CNOT2: variants seen among roughly 807,000 people sequenced by gnomAD.
CNOT2 encodes CCR4-NOT transcription complex subunit 2.
In CNOT2, 7 loss-of-function variants were observed where a neutral mutation model predicts 72.1. The observed-to-expected ratio is 0.10, with a 90% confidence interval of 0.06 to 0.18. The LOEUF (loss-of-function observed/expected upper bound fraction) is 0.18. Ranked by LOEUF, CNOT2 falls within the 10% of genes least tolerant of loss-of-function variation. The pLI, the probability that CNOT2 is intolerant of heterozygous loss-of-function variation, is 1.00. For synonymous variants in CNOT2, 196 were observed against 225.6 expected (o/e 0.87, Z 1.17); for missense variants, 345 against 660.3 (o/e 0.52, Z 5.23).
chr12:70,326,356 T>A (rs1012049086), intron 4 of CNOT2, among the ~76,000 whole-genome samples: 11 of 151,790 alleles, frequency 7.2e-5, no homozygotes, highest in Non-Finnish European at 1.5e-5. Context: ...GTCCTTCCAG[T>A]CACCTGCTCA....
intron 3 of CNOT2, among the ~76,000 whole-genome samples, chr12:70,312,722 CTT>C (rs781701041): frequency 6.6e-6 from 1 of 151,966 alleles, no homozygotes; most frequent in Non-Finnish European, 1.5e-5. Context: ...TGGATCCTGA[CTT>C]TGCCTGTTAG....
At chr12:70,273,538 A>G (rs1868330999) in intron 1 of CNOT2, among the ~76,000 whole-genome samples, 1 of 152,166 alleles carries the variant, frequency 6.6e-6, no homozygotes, top group South Asian at 2.1e-4. Flanking sequence ...AAACAGATGT[A>G]CTTTTCGGGC....
At chr12:70,279,859 T>G (rs1284354475) in intron 2 of CNOT2, among the ~76,000 whole-genome samples, 2 of 148,782 alleles carry the variant, frequency 1.3e-5, no homozygotes, top group Non-Finnish European at 2.9e-5. Flanking sequence ...TTCTTGCTCT[T>G]TCTACACTAA....
intron 14 of CNOT2, chr12:70,345,266 ATAGTT>A (rs999544252): frequency 2.6e-5 from 4 of 152,316 alleles, no homozygotes; most frequent in African/African-American, 9.6e-5. Flanking sequence ...TTTGGATCAA[ATAGTT>A]TAAAGTATAT....
chr12:70,342,358 C>G (rs370877055), intron 13 of CNOT2, 51 bp downstream of exon 13: 38 of 1,600,294 alleles, frequency 2.4e-5, no homozygotes, highest in Non-Finnish European at 3.1e-5. Context: ...ATCTATTTTT[C>G]ACATGTTTTT....
intron 2 of CNOT2, among the ~76,000 whole-genome samples, chr12:70,279,830 A>T (rs1468623227): frequency 1.3e-5 from 2 of 152,212 alleles, no homozygotes; most frequent in Non-Finnish European, 2.9e-5. Flanking sequence ...TATGTTTTAT[A>T]CATGAAGAGA....
chr12:70,328,405 A>G (rs1181966074), intron 4 of CNOT2, among the ~76,000 whole-genome samples: 3 of 152,016 alleles, frequency 2.0e-5, no homozygotes, highest in Non-Finnish European at 4.4e-5. Flanking sequence ...CCAGTTCAGA[A>G]TAAGTTTGGT....
At chr12:70,301,218 C>T (rs1873899961) in intron 2 of CNOT2, among the ~76,000 whole-genome samples, 1 of 152,168 alleles carries the variant, frequency 6.6e-6, no homozygotes, top group Non-Finnish European at 1.5e-5. Context: ...TTATTTCCTT[C>T]TCCTGCCTGA....
intron 2 of CNOT2, among the ~76,000 whole-genome samples, chr12:70,288,996 TTTC>T (rs1312155134): frequency 6.6e-6 from 1 of 152,182 alleles, no homozygotes; most frequent in East Asian, 1.9e-4. Context: ...TTCTTATCCC[TTTC>T]TTCTCTCCTT....
At chr12:70,267,707 T>G (rs1483000534) in intron 1 of CNOT2, among the ~76,000 whole-genome samples, 5 of 152,248 alleles carry the variant, frequency 3.3e-5, no homozygotes, top group Non-Finnish European at 7.3e-5. Flanking sequence ...CTTCAGATAC[T>G]CGTCACACAG....
intron 1 of CNOT2, among the ~76,000 whole-genome samples, chr12:70,245,760 T>C (rs570057122): frequency 6.6e-6 from 1 of 152,270 alleles, no homozygotes; most frequent in Admixed American, 6.5e-5. Flanking sequence ...TTCAGAATGA[T>C]ACAACTTCCC....
At chr12:70,288,136 CTT>C (rs68143994) in intron 2 of CNOT2, among the ~76,000 whole-genome samples, 91 of 86,694 alleles carry the variant, frequency 1.0e-3, no homozygotes, top group African/African-American at 3.0e-3. Flanking sequence ...TGGTGTAGCT[CTT>C]TTTTTTTTTT....
chr12:70,252,087 C>T (rs7969013), intron 1 of CNOT2, among the ~76,000 whole-genome samples: 42,971 of 152,076 alleles, frequency 0.28, 6,357 homozygotes, highest in Admixed American at 0.44. Flanking sequence ...CTAGCATTAT[C>T]TGTTAATTGA....
intron 1 of CNOT2, among the ~76,000 whole-genome samples, chr12:70,276,688 T>C (rs562243943): frequency 3.4e-4 from 51 of 152,158 alleles, no homozygotes; most frequent in Non-Finnish European, 6.0e-4. Context: ...ACATTTATAA[T>C]AGTAAATATG....
chr12:70,291,114 C>T (rs1490974951), intron 2 of CNOT2, among the ~76,000 whole-genome samples: 1 of 152,138 alleles, frequency 6.6e-6, no homozygotes, highest in Non-Finnish European at 1.5e-5. Flanking sequence ...CTCTGAATTT[C>T]CTGATTCCCT....
chr12:70,348,345 T>G (rs1882460182), intron 15 of CNOT2, among the ~76,000 whole-genome samples: 1 of 152,152 alleles, frequency 6.6e-6, no homozygotes, highest in South Asian at 2.1e-4. Flanking sequence ...CCTCCATCAT[T>G]TATGATTTAG....
intron 1 of CNOT2, among the ~76,000 whole-genome samples, chr12:70,257,773 G>C (rs1002926327): frequency 6.6e-6 from 1 of 152,002 alleles, no homozygotes; most frequent in African/African-American, 2.4e-5. Flanking sequence ...TCATGAGTAG[G>C]GACAAGTTCA....
chr12:70,270,636 A>G (rs1390836604), intron 1 of CNOT2, among the ~76,000 whole-genome samples: 1 of 152,164 alleles, frequency 6.6e-6, no homozygotes, highest in African/African-American at 2.4e-5. Context: ...TTTGTAACCA[A>G]TATTCTTAAA....
At chr12:70,315,254 TTTC>T (rs1877134560) in intron 3 of CNOT2, among the ~76,000 whole-genome samples, 1 of 152,090 alleles carries the variant, frequency 6.6e-6, no homozygotes, top group Non-Finnish European at 1.5e-5. Flanking sequence ...AGTTATCCGT[TTTC>T]CAATTTTAAA....
Sources: allele counts gnomAD v4.1 joint callset (sites outside exome capture counted in the v4.1 genomes callset), GRCh38; gene constraint gnomAD v4.1.1; transcripts MANE v1.5; gene names NCBI Gene and HGNC (gene_info 2026-07-23, HGNC 2026-07-21).